NFIB: variants seen among roughly 807,000 people sequenced by gnomAD.
NFIB encodes nuclear factor 1 B-type.
NFIB carries 11 observed loss-of-function variants against 61.5 expected under a neutral mutation model. The ratio of observed to expected loss-of-function variants is 0.18; its 90% CI spans 0.11 to 0.30. NFIB has a LOEUF of 0.30. Ranked by LOEUF, NFIB falls within the 10% of genes least tolerant of loss-of-function variation. The pLI is 1.00. For missense variants in NFIB, 471 were observed against 608.9 expected (o/e 0.77, Z 2.38); for synonymous variants, 260 against 216.5 (o/e 1.20, Z -1.76).
chr9:14,231,489 G>A (rs1159820464), intron 2 of NFIB, among the ~76,000 whole-genome samples: 3 of 151,976 alleles, frequency 2.0e-5, no homozygotes, highest in South Asian at 2.1e-4. Context: ...ATGCAATCCC[G>A]GGTACCAGAT....
At chr9:14,345,310 G>A (rs1351171282) in intron 1 of NFIB, among the ~76,000 whole-genome samples, 2 of 152,134 alleles carry the variant, frequency 1.3e-5, no homozygotes, top group East Asian at 1.9e-4. Context: ...GCTTCTGTGG[G>A]AAATGAAATT....
intron 1 of NFIB, among the ~76,000 whole-genome samples, chr9:14,344,281 G>A (rs963821922): frequency 6.6e-6 from 1 of 152,014 alleles, no homozygotes; most frequent in Admixed American, 6.5e-5. Flanking sequence ...AGAGAGGGGG[G>A]TGATGGGGGT....
chr9:14,478,181 C>T, the NFIB span, among the ~76,000 whole-genome samples: 17 of 152,262 alleles, frequency 1.1e-4, no homozygotes, highest in East Asian at 2.3e-3. Context: ...ACTTTAGTGA[C>T]GATTTGAGGA....
chr9:14,317,758 GGGACTGGTGGA>G (rs1184499735), upstream of NFIB, among the ~76,000 whole-genome samples: 1 of 152,176 alleles, frequency 6.6e-6, no homozygotes, highest in Non-Finnish European at 1.5e-5. Context: ...TTTGGAAAGA[GGGACTGGTGGA>G]TTTCGGTGCA....
intron 1 of NFIB, among the ~76,000 whole-genome samples, chr9:14,354,780 CTGTG>C (rs67877825): frequency 0.054 from 7,943 of 145,814 alleles, 235 homozygotes; most frequent in Middle Eastern, 0.11. Context: ...AATGGGTACT[CTGTG>C]TGTGTGTGTG....
chr9:14,217,660 CAAAAA>C (rs34055171), intron 2 of NFIB, among the ~76,000 whole-genome samples: 15 of 81,492 alleles, frequency 1.8e-4, no homozygotes, highest in East Asian at 5.4e-4. Flanking sequence ...AACTCCATCT[CAAAAA>C]AAAAAAAAAA....
At chr9:14,172,303 A>G (rs553109896) in intron 3 of NFIB, among the ~76,000 whole-genome samples, 2 of 152,218 alleles carry the variant, frequency 1.3e-5, no homozygotes, top group African/African-American at 2.4e-5. Flanking sequence ...GTTTTAAAAT[A>G]AGAAATAAGT....
At chr9:14,381,971 C>T (rs1223336616) in intron 1 of NFIB, among the ~76,000 whole-genome samples, 1 of 152,214 alleles carries the variant, frequency 6.6e-6, no homozygotes, top group Non-Finnish European at 1.5e-5. Context: ...CCTTTCAGGT[C>T]TGGCTTAGCT....
chr9:14,432,695 A>G, the NFIB span, among the ~76,000 whole-genome samples: 1 of 152,212 alleles, frequency 6.6e-6, no homozygotes, highest in African/African-American at 2.4e-5. Context: ...GATAAGGGGC[A>G]AGGGGTGAGG....
rs142686043 is a variant in NFIB, at chr9:14,387,099, G to T, written c.108+11425C>A. On this transcript the variant is annotated intron_variant, in intron 1 of 8. Coordinates refer to the NFIB transcript ENST00000380934. ...ATTCTGACAGCTTTGGCACTAAAAA[G>T]GTGTATGACTTGGGGTTAGGTGACT... Among the ~76,000 whole-genome samples, 22 of 152,324 alleles carry T rather than the reference G, an allele frequency of 1.4e-4. No homozygotes were observed. The East Asian group carries it at 4.2e-3, about 29-fold the overall frequency.
At chr9:14,513,485 G>C in the NFIB span, among the ~76,000 whole-genome samples, 3 of 151,874 alleles carry the variant, frequency 2.0e-5, no homozygotes, top group South Asian at 6.2e-4. Flanking sequence ...AAAATTAGCC[G>C]GGTGTGGTAG....
the NFIB span, among the ~76,000 whole-genome samples, chr9:14,459,214 A>G: frequency 1.4e-4 from 22 of 152,340 alleles, no homozygotes; most frequent in Middle Eastern, 3.4e-3. Flanking sequence ...ATAATGCTGC[A>G]TATCTACAAC....
chr9:14,200,717 A>T (rs1471333203), intron 2 of NFIB, among the ~76,000 whole-genome samples: 1 of 152,032 alleles, frequency 6.6e-6, no homozygotes, highest in Non-Finnish European at 1.5e-5. Context: ...GGTCCCTTAT[A>T]TGTTGGTGAT....
At chr9:14,422,080 G>A in the NFIB span, among the ~76,000 whole-genome samples, 1 of 152,144 alleles carries the variant, frequency 6.6e-6, no homozygotes, top group African/African-American at 2.4e-5. Context: ...ATATAAACAG[G>A]CTAGTGTTAG....
chr9:14,147,235 C>T (rs2042363356), intron 5 of NFIB, among the ~76,000 whole-genome samples: 3 of 152,120 alleles, frequency 2.0e-5, no homozygotes, highest in African/African-American at 7.2e-5. Flanking sequence ...TAAAGTAAAA[C>T]AAGAGCTTTG....
At chr9:14,521,916 C>A in the NFIB span, among the ~76,000 whole-genome samples, 3 of 152,204 alleles carry the variant, frequency 2.0e-5, no homozygotes, top group Admixed American at 2.0e-4. Context: ...TTCATCAATT[C>A]CTCAGCAGTA....
upstream of NFIB, among the ~76,000 whole-genome samples, chr9:14,402,862 A>G (rs926281692): frequency 2.0e-5 from 3 of 152,198 alleles, no homozygotes; most frequent in Non-Finnish European, 4.4e-5. Flanking sequence ...AAAAAATAAT[A>G]CTTTTTAATA....
At chr9:14,328,647 T>A (rs1472822478) in intron 1 of NFIB, among the ~76,000 whole-genome samples, 1 of 152,072 alleles carries the variant, frequency 6.6e-6, no homozygotes, top group Non-Finnish European at 1.5e-5. Context: ...TATATATGAT[T>A]GCATAGTTAT....
At chr9:14,219,154 T>C (rs1395251037) in intron 2 of NFIB, among the ~76,000 whole-genome samples, 2 of 152,148 alleles carry the variant, frequency 1.3e-5, no homozygotes, top group Non-Finnish European at 2.9e-5. Context: ...CTTATGAAGT[T>C]TGGCACAGCC....
Sources: gnomAD v4.1 joint callset for allele counts (sites outside exome capture counted in the v4.1 genomes callset) on GRCh38, gnomAD v4.1.1 for gene constraint, MANE v1.5 for transcripts, NCBI Gene and HGNC (gene_info 2026-07-23, HGNC 2026-07-21) for gene names.